Variants in THSD4 observed in about 807,000 individuals in gnomAD.
The protein encoded by THSD4 is thrombospondin type-1 domain-containing protein 4.
Under a neutral mutation model 119.0 loss-of-function variants are expected in THSD4, and 69 were observed. The observed-to-expected ratio is 0.58, with a 90% confidence interval of 0.48 to 0.71. The LOEUF is 0.71. Among genes scored for constraint, THSD4 ranks in the 30% least tolerant of loss-of-function variants. THSD4 has a pLI of 0.00. For synonymous variants in THSD4, 524 were observed against 540.4 expected (o/e 0.97, Z 0.42); for missense variants, 1,393 against 1,391.1 (o/e 1.00, Z -0.02).
intron 7 of THSD4, among the ~76,000 whole-genome samples, chr15:71,478,433 A>G (rs73441551): frequency 6.6e-6 from 1 of 152,240 alleles, no homozygotes; most frequent in East Asian, 1.9e-4. Flanking sequence ...AAACACATGC[A>G]TACAGTATCT....
intron 8 of THSD4, among the ~76,000 whole-genome samples, chr15:71,726,003 C>T (rs996093140): frequency 1.3e-5 from 2 of 152,102 alleles, no homozygotes; most frequent in Non-Finnish European, 2.9e-5. Context: ...TGGTCTGAAA[C>T]CCCCGACCTC....
intron 8 of THSD4, among the ~76,000 whole-genome samples, chr15:71,681,312 C>T (rs2051771396): frequency 6.6e-6 from 1 of 152,144 alleles, no homozygotes; most frequent in African/African-American, 2.4e-5. Flanking sequence ...TTTGTCTAGA[C>T]AATAAATACC....
intron 7 of THSD4, among the ~76,000 whole-genome samples, chr15:71,637,134 G>A (rs1443165923): frequency 1.3e-5 from 2 of 152,184 alleles, no homozygotes; most frequent in Non-Finnish European, 2.9e-5. Context: ...TGATCCACCC[G>A]CCTCAGTCTG....
intron 6 of THSD4, among the ~76,000 whole-genome samples, chr15:71,333,287 C>T (rs1237597767): frequency 6.6e-6 from 1 of 152,066 alleles, no homozygotes; most frequent in Non-Finnish European, 1.5e-5. Flanking sequence ...TTTTGGCTTT[C>T]AGAGCAGGCA....
chr15:71,751,273 C>G (rs1012883258), intron 14 of THSD4, among the ~76,000 whole-genome samples: 5 of 152,174 alleles, frequency 3.3e-5, no homozygotes, highest in African/African-American at 1.2e-4. Context: ...GCTGGACTTT[C>G]ATTTTTATAT....
chr15:71,735,958 G>T (rs1352065060), intron 10 of THSD4, among the ~76,000 whole-genome samples: 2 of 119,928 alleles, frequency 1.7e-5, no homozygotes, highest in Non-Finnish European at 1.7e-5. Flanking sequence ...CTCTCTTGCT[G>T]TCTGTCTCTC....
intron 9 of THSD4, chr15:71,730,027 G>C (rs948093769): frequency 3.9e-5 from 6 of 152,110 alleles, no homozygotes; most frequent in African/African-American, 1.4e-4. Context: ...ATAAAATGAA[G>C]ACCCATTTCA....
At chr15:71,338,964 A>C (rs2045525654) in intron 6 of THSD4, among the ~76,000 whole-genome samples, 1 of 152,192 alleles carries the variant, frequency 6.6e-6, no homozygotes, top group Non-Finnish European at 1.5e-5. Context: ...CTATAGAAAC[A>C]GGTGCCTGAG....
At chr15:71,398,229 A>G (rs1485255980) in intron 6 of THSD4, among the ~76,000 whole-genome samples, 1 of 152,194 alleles carries the variant, frequency 6.6e-6, no homozygotes, top group African/African-American at 2.4e-5. Flanking sequence ...AGCCTGGGGA[A>G]CAGTGTACAA....
chr15:71,737,772 C>A lies in THSD4; in HGVS notation c.1671C>A (p.Ser557Arg), dbSNP rs768835711. ...FNGQMVTEGR[S>R]QEEGEQKGRN... ...GCCAGATGGTGACAGAAGGCAGGAG[C>A]CAGGAGGAGGGAGAACAGAAAGGGA... The change falls in exon 11 of 18, where the codon AGC becomes AGA. Residue 557 changes from serine (S) to arginine (R), a missense_variant. Ser to Arg is a moderately radical substitution (Grantham distance 110, BLOSUM62 -1). Coordinates refer to ENST00000261862, the MANE Select transcript of THSD4 (RefSeq NM_024817.3). 1.2e-6 allele frequency: 2 copies of A among 1,613,414 alleles called. No homozygotes were observed. Among genetic ancestry groups the A allele is most frequent in the Admixed American group, 3.3e-5 (2 of 59,968 alleles).
chr15:71,202,792 G>C (rs2043814312), intron 3 of THSD4, among the ~76,000 whole-genome samples: 1 of 152,018 alleles, frequency 6.6e-6, no homozygotes, highest in Non-Finnish European at 1.5e-5. Context: ...GTTGCGGGGA[G>C]GGGGTGGGCA....
rs1337056463 is a variant in THSD4, at chr15:71,172,727, ATATATATG to A, written c.99+17797_99+17804del. Among the ~76,000 whole-genome samples, 103 of 105,058 alleles carry A rather than the reference ATATATATG, an allele frequency of 9.8e-4. 2 individuals are homozygous for A. The highest frequency in any genetic ancestry group is 1.4e-3 in the Non-Finnish European group (78 of 54,430). 68.9% of individuals were successfully genotyped at this position (105,058 alleles called of 152,430 possible). A position where few individuals can be genotyped will look rare whatever the true frequency, so the allele number is the denominator to read the frequency against. ...TATATATATATATATATATATATAT[ATATATATG>A]TGGACAATTGATTTTTTATAAAGGA... On this transcript the variant is annotated intron_variant, in intron 3 of 17. Coordinates refer to ENST00000261862, the MANE Select transcript of THSD4 (RefSeq NM_024817.3).
chr15:71,180,612 T>C (rs1403589860), intron 3 of THSD4, among the ~76,000 whole-genome samples: 1 of 152,148 alleles, frequency 6.6e-6, no homozygotes, highest in Admixed American at 6.5e-5. Flanking sequence ...ACTACTGATA[T>C]AAGCAACAAC....
chr15:71,692,356 T>C (rs572057948), intron 8 of THSD4, among the ~76,000 whole-genome samples: 1 of 152,368 alleles, frequency 6.6e-6, no homozygotes, highest in Admixed American at 6.5e-5. Context: ...GAGAGGACTT[T>C]TTTCCCCACT....
At chr15:71,189,594 C>T (rs978091293) in intron 3 of THSD4, among the ~76,000 whole-genome samples, 7 of 151,526 alleles carry the variant, frequency 4.6e-5, no homozygotes, top group South Asian at 2.1e-4. Flanking sequence ...GGCGTGAACC[C>T]GGGAGGTGGA....
At chr15:71,476,846 C>T (rs996665404) in intron 7 of THSD4, among the ~76,000 whole-genome samples, 2 of 152,150 alleles carry the variant, frequency 1.3e-5, no homozygotes, top group African/African-American at 4.8e-5. Flanking sequence ...ACTTTTGGAA[C>T]GTTTACTTTT....
intron 7 of THSD4, among the ~76,000 whole-genome samples, chr15:71,540,913 G>A (rs578186370): frequency 3.6e-4 from 55 of 151,600 alleles, no homozygotes; most frequent in African/African-American, 1.2e-3. Flanking sequence ...AGTAGAGATG[G>A]GGTTTCACCA....
At chr15:71,523,581 T>C (rs1157247401) in intron 7 of THSD4, among the ~76,000 whole-genome samples, 1 of 152,072 alleles carries the variant, frequency 6.6e-6, no homozygotes, top group Non-Finnish European at 1.5e-5. Flanking sequence ...ATTAGGAAGA[T>C]GGTTTGACAG....
At chr15:71,357,640 T>C (rs1004772226) in intron 6 of THSD4, among the ~76,000 whole-genome samples, 1 of 152,020 alleles carries the variant, frequency 6.6e-6, no homozygotes, top group African/African-American at 2.4e-5. Context: ...CTGGATTAAG[T>C]GTCTTGGGCA....
Sources: allele counts gnomAD v4.1 joint callset (sites outside exome capture counted in the v4.1 genomes callset), GRCh38; gene constraint gnomAD v4.1.1; transcripts MANE v1.5; gene names NCBI Gene and HGNC (gene_info 2026-07-23, HGNC 2026-07-21).